Variants in TEC observed in about 807,000 individuals in gnomAD.
TEC encodes tyrosine-protein kinase Tec.
A neutral mutation model predicts 93.0 loss-of-function variants in TEC; 72 were observed. The observed-to-expected ratio is 0.77, with a 90% confidence interval of 0.64 to 0.94. The LOEUF is 0.94. Among genes scored for constraint, TEC ranks in the 40% least tolerant of loss-of-function variants. The pLI is 0.00. For missense variants in TEC, 630 were observed against 757.9 expected (o/e 0.83, Z 1.98); for synonymous variants, 249 against 247.7 (o/e 1.01, Z -0.05).
At chr4:48,253,886 C>G (rs191133496) in intron 1 of TEC, among the ~76,000 whole-genome samples, 1 of 151,976 alleles carries the variant, frequency 6.6e-6, no homozygotes, top group Non-Finnish European at 1.5e-5. Context: ...TAATCATGTC[C>G]AATTTAATCT....
intron 2 of TEC, among the ~76,000 whole-genome samples, chr4:48,194,992 CACTG>C (rs1189571995): frequency 1.3e-5 from 2 of 152,164 alleles, no homozygotes; most frequent in African/African-American, 2.4e-5. Context: ...CAATTTCTTC[CACTG>C]ACTGAGTGCT....
chr4:48,250,608 C>A (rs1267596068), intron 1 of TEC, among the ~76,000 whole-genome samples: 1 of 152,164 alleles, frequency 6.6e-6, no homozygotes, highest in Non-Finnish European at 1.5e-5. Context: ...AACTGTCCAG[C>A]CTGAGGGTAA....
intron 1 of TEC, 130 bp downstream of exon 1, chr4:48,269,622 G>A (rs894808012): frequency 3.9e-5 from 6 of 152,284 alleles, no homozygotes; most frequent in African/African-American, 1.4e-4. Context: ...ACGGAGGGGA[G>A]AAAATCCTTC....
intron 2 of TEC, among the ~76,000 whole-genome samples, chr4:48,213,991 T>C (rs1216812748): frequency 2.0e-5 from 3 of 152,100 alleles, no homozygotes; most frequent in African/African-American, 7.2e-5. Flanking sequence ...CTTCAAAAAA[T>C]AAAATGGAAC....
At chr4:48,161,378 T>C (rs1720648135) in intron 8 of TEC, among the ~76,000 whole-genome samples, 1 of 152,190 alleles carries the variant, frequency 6.6e-6, no homozygotes, top group Admixed American at 6.5e-5. Context: ...AACATCCTGT[T>C]ATTAACCATC....
chr4:48,246,034 G>A (rs10938525), intron 1 of TEC, among the ~76,000 whole-genome samples: 18,769 of 152,118 alleles, frequency 0.12, 1,459 homozygotes, highest in East Asian at 0.24. Context: ...ACTTGAACAT[G>A]GGAGGTAGAG....
intron 1 of TEC, among the ~76,000 whole-genome samples, chr4:48,232,064 G>C (rs1218069794): frequency 6.6e-6 from 1 of 152,100 alleles, no homozygotes; most frequent in Non-Finnish European, 1.5e-5. Flanking sequence ...CAAGGCAGGA[G>C]GATCACTTGA....
intron 1 of TEC, among the ~76,000 whole-genome samples, chr4:48,261,509 G>A (rs558047992): frequency 4.2e-4 from 64 of 152,320 alleles, no homozygotes; most frequent in African/African-American, 1.4e-3. Flanking sequence ...CCCACAAGTC[G>A]TGGTTGAAAC....
intron 2 of TEC, among the ~76,000 whole-genome samples, chr4:48,227,508 T>C (rs1723507564): frequency 6.6e-6 from 1 of 151,704 alleles, no homozygotes; most frequent in Non-Finnish European, 1.5e-5. Flanking sequence ...CCGAGTGCGG[T>C]GGCATGCACC....
intron 8 of TEC, 70 bp from the exon 9 acceptor site, chr4:48,156,804 T>A: frequency 1.6e-6 from 2 of 1,278,210 alleles, no homozygotes; most frequent in Non-Finnish European, 2.2e-6. Flanking sequence ...TCAGAATTAA[T>A]AAAGTAATTC....
At chr4:48,180,165 C>T (rs558137469) in intron 2 of TEC, among the ~76,000 whole-genome samples, 1 of 152,130 alleles carries the variant, frequency 6.6e-6, no homozygotes, top group South Asian at 2.1e-4. Context: ...TAATTTTTGC[C>T]ATTAAAAGCA....
intron 9 of TEC, among the ~76,000 whole-genome samples, chr4:48,154,645 A>T (rs984788786): frequency 1.3e-5 from 2 of 152,182 alleles, no homozygotes; most frequent in Non-Finnish European, 2.9e-5. Context: ...AAATGAAGGG[A>T]AAAAATGATA....
Position 48,142,677 on chromosome 4 carries a change from T to A in TEC, c.1471-1258A>T, listed in dbSNP as rs576254648. Among the ~76,000 whole-genome samples the A allele has an allele frequency of 1.5e-3, 233 of 152,212 alleles. 1 individual carries two copies. The highest frequency in any genetic ancestry group is 2.7e-3 in the Admixed American group (42 of 15,292). On this transcript the variant is annotated intron_variant, in intron 14 of 17. Transcript: ENST00000381501. ...CAAAAGGAAGACAAGAATTTTTTTT[T>A]AATTTTTTAATTTTTTATTTTTGAA...
rs192567826 is a variant in TEC at position 48,257,346 on chromosome 4, G to A, written c.-46+12406C>T. 6.9e-3 allele frequency among the ~76,000 whole-genome samples: 1,047 copies of A among 152,258 alleles called. 8 individuals are homozygous for A. The highest frequency in any genetic ancestry group is 0.024 in the African/African-American group (1,011 of 41,536). On this transcript the variant is annotated intron_variant, in intron 1 of 17. Transcript: ENST00000381501. ...GACATCTTAAGGTCTATATAGTTAA[G>A]GGGCTTGGGGTGATATCCAGAGAAA...
In TEC at chr4:48,156,686, G is replaced by A. The variant is rs753828194; in HGVS notation, c.786C>T (p.Arg262=). Residue 262 remains arginine (R), a synonymous_variant, in exon 9 of 18, where the codon CGC becomes CGT. Transcript: ENST00000381501. Reference sequence around the variant, plus strand: ...CACAAGTACAAACACTTACTTCACTGCGGAGGAGTTGCTCTGCCTTGCTTC... The same window carrying A: ...CACAAGTACAAACACTTACTTCACTACGGAGGAGTTGCTCTGCCTTGCTTC... The part of the protein sequence containing the change: ...MNRSKAEQLL[R]SEDKEGGFMV... 6.2e-7 allele frequency: 1 copy of A among 1,611,224 alleles called. No homozygotes were observed. The highest frequency in any genetic ancestry group is 1.1e-5 in the South Asian group (1 of 90,332).
At chr4:48,177,221 A>G (rs1231077632) in intron 2 of TEC, among the ~76,000 whole-genome samples, 2 of 152,250 alleles carry the variant, frequency 1.3e-5, no homozygotes, top group African/African-American at 4.8e-5. Flanking sequence ...TAATGCAGCC[A>G]CTAAAAATTA....
intron 2 of TEC, among the ~76,000 whole-genome samples, chr4:48,194,852 A>G (rs751861103): frequency 7.2e-5 from 11 of 152,210 alleles, no homozygotes; most frequent in Non-Finnish European, 1.6e-4. Flanking sequence ...ATGCGGGCCA[A>G]TCACTGCTTT....
intron 3 of TEC, among the ~76,000 whole-genome samples, chr4:48,172,110 G>GCC (rs1721137742): frequency 6.6e-6 from 1 of 152,190 alleles, no homozygotes. Context: ...AGACTCCAGA[G>GCC]CCCAGCCTCT....
rs1424013141 is a variant in TEC at position 48,138,747 on chromosome 4, A to G, written c.1730T>C (p.Met577Thr). 6.2e-7 allele frequency: 1 copy of G among 1,614,192 alleles called. No individual in the cohort carries two copies. The highest frequency in any genetic ancestry group is 1.1e-5 in the South Asian group (1 of 91,084). ...EKYTNYEVVT[M>T]VTRGHRLYQP... ...GTAGAGTCGGTGGCCTCGAGTAACC[A>G]TGGTTACCACTTCATAATTGGTGTA... The change falls in exon 17 of 18, where the codon ATG (methionine) becomes ACG (threonine). Residue 577 changes from methionine to threonine, a missense_variant. Physicochemically the swap from Met to Thr is moderately conservative, Grantham distance 81 (BLOSUM62 -1). Around this residue, in one of 3 missense-constraint regions of TEC, gnomAD observed 289 missense variants for 390.0 expected, o/e 0.74. Coordinates refer to ENST00000381501, the MANE Select transcript of TEC (RefSeq NM_003215.3).
Sources: gnomAD v4.1 joint callset for allele counts (sites outside exome capture counted in the v4.1 genomes callset) on GRCh38, gnomAD v4.1.1 for gene constraint, gnomAD v4.1.1 regional missense constraint, MANE v1.5 for transcripts, NCBI Gene and HGNC (gene_info 2026-07-23, HGNC 2026-07-21) for gene names.